LLGL1: variants seen among roughly 807,000 people sequenced by gnomAD.
The protein encoded by LLGL1 is lethal(2) giant larvae protein homolog 1.
In LLGL1, 58 loss-of-function variants were observed where a neutral mutation model predicts 110.6. The observed-to-expected ratio is 0.52, with a 90% CI of 0.42 to 0.65. The LOEUF is 0.65. LLGL1 is among the 30% of genes least tolerant of loss of function. LLGL1 has a pLI of 0.00. For synonymous variants in LLGL1, 674 were observed against 607.2 expected (o/e 1.11, Z -1.62); for missense variants, 1,229 against 1,462.1 (o/e 0.84, Z 2.60).
intron 22 of LLGL1, 89 bp downstream of exon 22, chr17:18,242,911 C>T: frequency 8.0e-7 from 1 of 1,244,038 alleles, no homozygotes; most frequent in Non-Finnish European, 1.1e-6. Context: ...TGGTCTTCTA[C>T]CTGAGACCCT....
chr17:18,225,790 C>T (rs903588256), intron 1 of LLGL1, 27 bp downstream of exon 1: 13 of 261,748 alleles, frequency 5.0e-5, no homozygotes, highest in African/African-American at 2.7e-4. Context: ...GGCCCGGGCT[C>T]GGGCGGGAGG....
chr17:18,237,320 A>G, intron 13 of LLGL1, 161 bp from the exon 14 acceptor site: 1 of 689,032 alleles, frequency 1.5e-6, no homozygotes. Flanking sequence ...GCCTTGGTAT[A>G]CAGTAGGCAT....
chr17:18,235,617 G>A, intron 11 of LLGL1, 80 bp downstream of exon 11: 3 of 1,431,678 alleles, frequency 2.1e-6, no homozygotes, highest in Non-Finnish European at 2.9e-6. Flanking sequence ...GGGTGCAGAG[G>A]TGCCAGGAGA....
chr17:18,238,252 T>G (rs2047741463), intron 15 of LLGL1, 38 bp downstream of exon 15: 9 of 1,605,996 alleles, frequency 5.6e-6, no homozygotes, highest in Non-Finnish European at 7.6e-6. Context: ...TGTGCCTGTG[T>G]CCTGTGCCTT....
At chr17:18,238,732 C>A in intron 16 of LLGL1, 123 bp downstream of exon 16, 2 of 971,052 alleles carry the variant, frequency 2.1e-6, no homozygotes, top group Non-Finnish European at 3.1e-6. Context: ...GGTGGCTGGG[C>A]ACGGTGGCTC....
Position 18,236,657 on chromosome 17 carries a change from G to A in LLGL1, c.1403G>A (p.Arg468Gln), listed in dbSNP as rs764124548. The A allele has an allele frequency of 5.6e-6, 9 of 1,612,766 alleles. No homozygotes were observed. Among genetic ancestry groups the A allele is most frequent in the African/African-American group, 1.3e-5 (1 of 74,904 alleles). Residue 468 changes from arginine (R) to glutamine (Q), a missense_variant, in exon 12 of 23, where the codon CGG becomes CAG. Arg to Gln is a conservative substitution (Grantham distance 43). Coordinates refer to ENST00000316843, the MANE Select transcript of LLGL1 (RefSeq NM_004140.4). The part of the protein sequence containing the change: ...RFWDASGVAL[R>Q]PLYKLSTAGL... ...TGGGATGCCTCGGGTGTGGCGCTGC[G>A]GCCGCTCTATAAGCTGAGCACAGCT...
chr17:18,243,713 T>G (rs1304574766), intron 22 of LLGL1, among the ~76,000 whole-genome samples, 195 bp from the exon 23 acceptor site: 1 of 152,184 alleles, frequency 6.6e-6, no homozygotes, highest in African/African-American at 2.4e-5. Context: ...CTGGCCTCAG[T>G]GGGGCATATG....
chr17:18,239,534 T>C (rs2047775634), intron 16 of LLGL1, among the ~76,000 whole-genome samples: 1 of 152,132 alleles, frequency 6.6e-6, no homozygotes, highest in African/African-American at 2.4e-5. Context: ...GTATTTTAAA[T>C]GAAAACCCAG....
At chr17:18,226,185 ATC>A (rs1230823770) in intron 1 of LLGL1, among the ~76,000 whole-genome samples, 2 of 150,234 alleles carry the variant, frequency 1.3e-5, no homozygotes, top group Admixed American at 6.6e-5. Context: ...GTCTCCCTTT[ATC>A]TCTCTGCCTC....
rs1183392423 is a variant in LLGL1, at chr17:18,234,111, G to A, written c.650G>A (p.Arg217Gln). Reference sequence around the variant, plus strand: ...ACAAAGATTCTCATTGGCTACAGCCGGGGCCTGCTGGTCATCTGGAACCAG... The same window carrying A: ...ACAAAGATTCTCATTGGCTACAGCCAGGGCCTGCTGGTCATCTGGAACCAG... ...DPTKILIGYS[R>Q]GLLVIWNQAS... is the part of the protein sequence containing the mutation. Residue 217 changes from arginine (R) to glutamine (Q), a missense_variant, in exon 6 of 23, where the codon CGG becomes CAG. Coordinates refer to ENST00000316843, the MANE Select transcript of LLGL1 (RefSeq NM_004140.4). 12 of 1,611,554 alleles carry A rather than the reference G, an allele frequency of 7.4e-6. No individual in the cohort carries two copies. In the East Asian group the frequency reaches 8.9e-5, roughly 12 times the overall value.
chr17:18,236,588 A>T lies in LLGL1; in HGVS notation c.1353-19A>T. ...CCTCCCAGGAACTCGGGTAGCCCTG[A>T]CATCTGCCCTCCCTGCAGCCATGAG... On this transcript the variant is annotated intron_variant, in intron 11 of 22. Coordinates refer to ENST00000316843, the MANE Select transcript of LLGL1 (RefSeq NM_004140.4). The T allele has an allele frequency of 6.3e-7, 1 of 1,598,254 alleles. No individual in the cohort carries two copies. The highest frequency in any genetic ancestry group is 8.5e-7 in the Non-Finnish European group (1 of 1,169,870).
In LLGL1 at chr17:18,235,277, G is replaced by T; in HGVS notation, c.1249G>T (p.Glu417Ter). 6.2e-7 allele frequency: 1 copy of T among 1,610,376 alleles called. No homozygotes were observed. Among genetic ancestry groups the T allele is most frequent in the Non-Finnish European group, 8.5e-7 (1 of 1,179,988 alleles). The change falls in exon 10 of 23, where the codon GAG (glutamate) becomes TAG (stop). Residue 417 changes from glutamate to a stop codon, truncating the protein, a stop_gained. Coordinates refer to ENST00000316843, the MANE Select transcript of LLGL1 (RefSeq NM_004140.4). LOFTEE classifies it high-confidence loss of function. ...KLWARIVSAG[E>*]QQSPQPVSSA... ...GTGGGCCCGCATTGTGAGCGCTGGC[G>T]AGCAGCAGAGCCCCCAGCCTGTCTC... is the stretch of plus-strand genomic sequence containing the variant.
intron 2 of LLGL1, among the ~76,000 whole-genome samples, chr17:18,231,909 C>T (rs771564030): frequency 5.3e-5 from 8 of 152,206 alleles, no homozygotes; most frequent in Non-Finnish European, 2.9e-5. Flanking sequence ...CTACCTGCCT[C>T]GGCCTCCCAA....
chr17:18,238,643 G>A (rs748423138), intron 16 of LLGL1, 34 bp downstream of exon 16: 3 of 1,583,934 alleles, frequency 1.9e-6, no homozygotes, highest in Admixed American at 1.7e-5. Flanking sequence ...ACAGGGCAAG[G>A]GTTGGGGGGG....
intron 1 of LLGL1, among the ~76,000 whole-genome samples, chr17:18,229,165 C>T (rs568446511): frequency 7.9e-5 from 12 of 152,120 alleles, no homozygotes; most frequent in Admixed American, 1.3e-4. Flanking sequence ...GAGGGCACAG[C>T]CAGGCCAAAG....
At position 18,235,492 on chromosome 17, in the gene LLGL1, G is replaced by A. The variant is rs376382164; in HGVS notation, c.1307G>A (p.Arg436Gln). The A allele has an allele frequency of 3.5e-5, 57 of 1,613,918 alleles. No homozygotes were observed. Among genetic ancestry groups the A allele is most frequent in the African/African-American group, 1.1e-4 (8 of 74,928 alleles). ...CAGAGCTGGCCCATCACTGGGGGCC[G>A]AAACCTGGCCCAGGAGCCGTCACAG... Reference protein sequence around the residue: ...SALSWPITGGRNLAQEPSQRG... With the variant: ...SALSWPITGGQNLAQEPSQRG... The change falls in exon 11 of 23, where the codon CGA (arginine) becomes CAA (glutamine). Residue 436 changes from arginine (R) to glutamine (Q), a missense_variant. By Grantham distance (43) the Arg-to-Gln change is conservative. Transcript: ENST00000316843.
intron 16 of LLGL1, among the ~76,000 whole-genome samples, chr17:18,238,824 A>G (rs1322450965): frequency 1.3e-5 from 2 of 152,176 alleles, no homozygotes; most frequent in East Asian, 3.9e-4. Flanking sequence ...CCGCCAGGCC[A>G]ACATGGTGAA....
At position 18,235,554 on chromosome 17, in the gene LLGL1, A is replaced by T. The variant is rs1189687152; in HGVS notation, c.1352+17A>T. 1.1e-5 allele frequency: 17 copies of T among 1,610,948 alleles called. No individual in the cohort carries two copies. The highest frequency in any genetic ancestry group is 3.3e-5 in the Admixed American group (2 of 59,856). On this transcript the variant is annotated intron_variant, in intron 11 of 22. Coordinates refer to ENST00000316843, the MANE Select transcript of LLGL1 (RefSeq NM_004140.4). ...GCTGACGGGGTAGGTGTGCGTGCTTATGTGGGTGAGTGGGCCCCTTGCTGT... is the reference window on the plus strand; with the variant it reads ...GCTGACGGGGTAGGTGTGCGTGCTTTTGTGGGTGAGTGGGCCCCTTGCTGT...
At position 18,236,710 on chromosome 17, in the gene LLGL1, G is replaced by A. The variant is rs1063682; in HGVS notation, c.1456G>A (p.Ala486Thr). 2.4e-5 allele frequency: 39 copies of A among 1,612,320 alleles called. No homozygotes were observed. Among genetic ancestry groups the A allele is most frequent in the African/African-American group, 5.3e-5 (4 of 74,914 alleles). Residue 486 changes from alanine to threonine, a missense_variant, in exon 12 of 23, where the codon GCT becomes ACT. Ala to Thr is a moderately conservative substitution (Grantham distance 58). Coordinates refer to ENST00000316843, the MANE Select transcript of LLGL1 (RefSeq NM_004140.4). ...AGLFQTDCEH[A>T]DSLAQAAEDD... ...CCTCTTCCAGACAGACTGTGAGCAC[G>A]CTGACAGCCTGGCCCAGGCTGCCGA...
Sources: allele counts gnomAD v4.1 joint callset (sites outside exome capture counted in the v4.1 genomes callset), GRCh38; gene constraint gnomAD v4.1.1; transcripts MANE v1.5; gene names NCBI Gene and HGNC (gene_info 2026-07-23, HGNC 2026-07-21).